ATP5F1C: variants seen among roughly 807,000 people sequenced by gnomAD.
The protein encoded by ATP5F1C is ATP synthase F1 subunit gamma, also known as ATP synthase F(1) complex subunit gamma, mitochondrial.
In ATP5F1C, 22 loss-of-function variants were observed where a neutral mutation model predicts 37.4. The ratio of observed to expected loss-of-function variants is 0.59; its 90% CI spans 0.42 to 0.84. ATP5F1C has a LOEUF of 0.84. ATP5F1C is among the 40% of genes least tolerant of loss of function. The pLI is 0.00. For missense variants in ATP5F1C, 286 were observed against 362.4 expected (o/e 0.79, Z 1.71); for synonymous variants, 121 against 128.0 (o/e 0.95, Z 0.37).
rs762381570 is a variant in ATP5F1C at position 7,800,079 on chromosome 10, G to A, written c.625G>A (p.Val209Ile). The A allele has an allele frequency of 1.7e-5, 27 of 1,613,720 alleles. No individual in the cohort carries two copies. The highest frequency in any genetic ancestry group is 8.8e-5 in the South Asian group (8 of 91,074). ...EEKPIFSLNTVASADSMSIYD... is the reference protein window; with the variant it reads ...EEKPIFSLNTIASADSMSIYD... ...AAAGCCCATCTTTTCCCTTAATACC[G>A]TTGCAAGTGCTGGTAAGTAGTTTTT... The change falls in exon 6 of 10, where the codon GTT (valine) becomes ATT (isoleucine). Residue 209 changes from valine to isoleucine, a missense_variant. Physicochemically the swap from Val to Ile is conservative, Grantham distance 29. Coordinates refer to ENST00000356708, the MANE Select transcript of ATP5F1C (RefSeq NM_001001973.3).
chr10:7,802,452 G>A lies in ATP5F1C; in HGVS notation c.793+27G>A, dbSNP rs773745862. 12 of 1,590,540 alleles carry A rather than the reference G, an allele frequency of 7.5e-6. No homozygotes were observed. In the South Asian group the frequency reaches 1.0e-4, roughly 14 times the overall value. On this transcript the variant is annotated intron_variant, in intron 7 of 9. Transcript: ENST00000356708. ...TAAGTACACAGTATGGACAGTGCCA[G>A]CAGGAGTGCTTGTGAGCACACAGTG...
chr10:7,803,623 C>G (rs894525456), intron 8 of ATP5F1C, among the ~76,000 whole-genome samples: 1 of 151,998 alleles, frequency 6.6e-6, no homozygotes, highest in African/African-American at 2.4e-5. Flanking sequence ...TGTTGAAAAA[C>G]TTTAATGTTT....
intron 1 of ATP5F1C, among the ~76,000 whole-genome samples, chr10:7,793,298 A>G (rs1443223832): frequency 6.6e-6 from 1 of 152,150 alleles, no homozygotes; most frequent in Admixed American, 6.5e-5. Context: ...TTTTTAGTAG[A>G]GACGGGGTTT....
chr10:7,797,385 G>T lies in ATP5F1C; in HGVS notation c.223+207G>T, dbSNP rs116282758. Among the ~76,000 whole-genome samples, 528 of 152,298 alleles carry T rather than the reference G, an allele frequency of 3.5e-3. 5 individuals carry two copies. The highest frequency in any genetic ancestry group is 0.012 in the African/African-American group (496 of 41,566). On this transcript the variant is annotated intron_variant, in intron 3 of 9. Coordinates refer to ENST00000356708, the MANE Select transcript of ATP5F1C (RefSeq NM_001001973.3). The stretch of plus-strand genomic sequence containing the variant: ...GGACTGTTAGAATCCCTGCTTTCCA[G>T]TGAGAAAAACTGAAGCACACAGAAG...
chr10:7,804,684 C>T (rs1053234512), intron 8 of ATP5F1C, among the ~76,000 whole-genome samples: 1 of 152,200 alleles, frequency 6.6e-6, no homozygotes, highest in African/African-American at 2.4e-5. Context: ...GTGTGCTCCT[C>T]GAGGCTAGGA....
At chr10:7,807,499 T>C (rs1324669802) in intron 9 of ATP5F1C, among the ~76,000 whole-genome samples, 160 bp from the exon 10 acceptor site, 1 of 152,206 alleles carries the variant, frequency 6.6e-6, no homozygotes, top group Non-Finnish European at 1.5e-5. Flanking sequence ...CCATGAAAGG[T>C]TCCCCAGACC....
At chr10:7,800,508 T>A (rs1836341517) in intron 6 of ATP5F1C, among the ~76,000 whole-genome samples, 1 of 150,626 alleles carries the variant, frequency 6.6e-6, no homozygotes, top group Admixed American at 6.6e-5. Flanking sequence ...TATTTTTTAT[T>A]TTTTGAGACG....
chr10:7,796,931 A>G (rs1409731258), intron 2 of ATP5F1C, 116 bp from the exon 3 acceptor site: 1 of 1,166,724 alleles, frequency 8.6e-7, no homozygotes, highest in Admixed American at 2.6e-5. Context: ...CGTGCTGTTT[A>G]TTGTTTATCT....
Position 7,797,190 on chromosome 10 carries a change from G to A in ATP5F1C, c.223+12G>A, listed in dbSNP as rs1354117540. 1.4e-5 allele frequency: 23 copies of A among 1,610,310 alleles called. No homozygotes were observed. Among genetic ancestry groups the A allele is most frequent in the Non-Finnish European group, 1.9e-5 (22 of 1,177,408 alleles). ...ATTGGGATCTTTAGGTAAGGGAAGA[G>A]TGTAATTCACAAATTAGGAAGAACT... On this transcript the variant is annotated intron_variant, in intron 3 of 9. Transcript: ENST00000356708.
chr10:7,797,596 G>A (rs1032104327), intron 3 of ATP5F1C, among the ~76,000 whole-genome samples: 4 of 152,174 alleles, frequency 2.6e-5, no homozygotes, highest in Non-Finnish European at 5.9e-5. Flanking sequence ...TGCGTTAGAT[G>A]TAAGGGCTTA....
intron 8 of ATP5F1C, among the ~76,000 whole-genome samples, chr10:7,803,896 A>G (rs990701919): frequency 6.6e-6 from 1 of 152,176 alleles, no homozygotes; most frequent in Non-Finnish European, 1.5e-5. Context: ...TATCTCTTGA[A>G]TCTTCCCCCT....
intron 1 of ATP5F1C, among the ~76,000 whole-genome samples, 189 bp from the exon 2 acceptor site, chr10:7,795,932 T>A (rs774929708): frequency 5.9e-5 from 9 of 152,212 alleles, no homozygotes; most frequent in Admixed American, 1.3e-4. Flanking sequence ...AGGCCTTCAA[T>A]ACAGGGATTT....
At chr10:7,788,459 G>A (rs1056215305) in intron 1 of ATP5F1C, among the ~76,000 whole-genome samples, 196 bp downstream of exon 1, 5 of 152,348 alleles carry the variant, frequency 3.3e-5, no homozygotes, top group South Asian at 2.1e-4. Flanking sequence ...CGCAGGGCCG[G>A]GCTCCGGCGG....
chr10:7,807,559 G>C, intron 9 of ATP5F1C, 100 bp from the exon 10 acceptor site: 1 of 1,395,382 alleles, frequency 7.2e-7, no homozygotes, highest in Non-Finnish European at 9.8e-7. Flanking sequence ...TGTAAATTCA[G>C]TTCTCTGTAC....
chr10:7,801,646 T>C (rs1255409173), intron 6 of ATP5F1C: 1 of 152,230 alleles, frequency 6.6e-6, no homozygotes, highest in East Asian at 1.9e-4. Context: ...TATAATGCAG[T>C]ATCTTGGGGA....
chr10:7,796,347 A>G (rs1836236200), intron 2 of ATP5F1C, 192 bp downstream of exon 2: 1 of 467,892 alleles, frequency 2.1e-6, no homozygotes, highest in Admixed American at 4.1e-5. Flanking sequence ...TGAGACAGCT[A>G]TGTTCTGTTG....
chr10:7,796,827 G>A (rs1564331679), intron 2 of ATP5F1C: 12 of 356,630 alleles, frequency 3.4e-5, no homozygotes, highest in East Asian at 5.6e-5. Context: ...CTCGTGATCC[G>A]CCCACCTCAG....
intron 8 of ATP5F1C, among the ~76,000 whole-genome samples, chr10:7,804,769 A>G (rs1204852621): frequency 6.6e-6 from 1 of 152,262 alleles, no homozygotes. Flanking sequence ...GAATGAATGA[A>G]TGAAATGCCA....
chr10:7,802,850 G>A lies in ATP5F1C; in HGVS notation c.886G>A (p.Ala296Thr). Reference protein sequence around the residue: ...ELIEIISGAAALD With the variant: ...ELIEIISGAATLD Reference sequence around the variant, plus strand: ...GATTGAAATTATCTCTGGTGCTGCAGCTCTGTGAGTAATTGTAGATTGTCG... The same window carrying A: ...GATTGAAATTATCTCTGGTGCTGCAACTCTGTGAGTAATTGTAGATTGTCG... The change falls in exon 8 of 10, where the codon GCT becomes ACT. Residue 296 changes from alanine (A) to threonine (T), a missense_variant. Transcript: ENST00000356708. 2 of 1,613,382 alleles carry A rather than the reference G, an allele frequency of 1.2e-6. No individual in the cohort carries two copies. The highest frequency in any genetic ancestry group is 1.7e-6 in the Non-Finnish European group (2 of 1,179,642).
Sources: gnomAD v4.1 joint callset for allele counts (sites outside exome capture counted in the v4.1 genomes callset) on GRCh38, gnomAD v4.1.1 for gene constraint, MANE v1.5 for transcripts, NCBI Gene and HGNC (gene_info 2026-07-23, HGNC 2026-07-21) for gene names.